The following PHC3 variants were observed in gnomAD, a reference collection of about 807,000 sequenced individuals.
PHC3 encodes the protein polyhomeotic-like protein 3.
PHC3 carries 13 observed loss-of-function variants against 107.4 expected under a neutral mutation model. That is an observed-to-expected ratio of 0.12 (90% CI 0.08 to 0.19). PHC3 has a LOEUF of 0.19. PHC3 is among the 10% of genes least tolerant of loss of function. PHC3 has a pLI of 1.00. For synonymous variants in PHC3, 456 were observed against 427.4 expected (o/e 1.07, Z -0.83); for missense variants, 992 against 1,210.9 (o/e 0.82, Z 2.68).
At chr3:170,145,273 G>A (rs1724761497) in intron 6 of PHC3, 150 bp downstream of exon 6, 2 of 537,642 alleles carry the variant, frequency 3.7e-6, no homozygotes, top group East Asian at 6.1e-5. Context: ...ACATTTTCTT[G>A]AAGTTCTCAT....
At chr3:170,114,150 C>T (rs190617907) in intron 10 of PHC3, among the ~76,000 whole-genome samples, 73 of 152,252 alleles carry the variant, frequency 4.8e-4, no homozygotes, top group African/African-American at 1.6e-3. Flanking sequence ...GCTGGGATTA[C>T]GGGCATGTGC....
intron 4 of PHC3, among the ~76,000 whole-genome samples, chr3:170,159,345 GA>G (rs1372811660): frequency 6.7e-6 from 1 of 149,264 alleles, no homozygotes; most frequent in Non-Finnish European, 1.5e-5. Context: ...TAGTTTGAAA[GA>G]ACAATGAGAA....
chr3:170,154,422 T>C (rs1317892475), intron 4 of PHC3, among the ~76,000 whole-genome samples: 2 of 152,180 alleles, frequency 1.3e-5, no homozygotes, highest in East Asian at 1.9e-4. Context: ...AATAATGCCT[T>C]AGAACTTTTT....
chr3:170,107,043 C>A, intron 11 of PHC3, 97 bp from the exon 12 acceptor site: 1 of 729,466 alleles, frequency 1.4e-6, no homozygotes, highest in Admixed American at 3.2e-5. Context: ...GCTAGCAAAC[C>A]AATGGCCCTT....
chr3:170,145,399 C>CT, intron 6 of PHC3, 24 bp downstream of exon 6: 2 of 1,588,412 alleles, frequency 1.3e-6, no homozygotes, highest in Non-Finnish European at 1.7e-6. Context: ...TCAAGTAACA[C>CT]ATTATGAAGC....
chr3:170,151,135 C>T (rs574513198), intron 4 of PHC3, among the ~76,000 whole-genome samples: 1 of 151,764 alleles, frequency 6.6e-6, no homozygotes, highest in African/African-American at 2.4e-5. Context: ...CGCTTGAACC[C>T]GGGAGGCGGA....
chr3:170,146,935 T>C (rs923754287), intron 5 of PHC3, among the ~76,000 whole-genome samples: 3 of 144,736 alleles, frequency 2.1e-5, no homozygotes, highest in Non-Finnish European at 4.5e-5. Context: ...CAGACTGGAG[T>C]GCAATGGCGC....
intron 4 of PHC3, among the ~76,000 whole-genome samples, chr3:170,159,410 A>T (rs1252801103): frequency 1.3e-5 from 2 of 152,152 alleles, no homozygotes; most frequent in East Asian, 3.8e-4. Context: ...AAAATTTTTT[A>T]AAAGTCAAAG....
intron 11 of PHC3, among the ~76,000 whole-genome samples, chr3:170,111,834 C>G (rs1226591737): frequency 6.6e-6 from 1 of 152,046 alleles, no homozygotes; most frequent in African/African-American, 2.4e-5. Context: ...GTTTGCTTAC[C>G]AGCATGCTAT....
At chr3:170,120,730 G>GAGAGAAAAGAAGAGAAGGGGATATGGC (rs1720107347) in intron 9 of PHC3, among the ~76,000 whole-genome samples, 1 of 152,160 alleles carries the variant, frequency 6.6e-6, no homozygotes, top group African/African-American at 2.4e-5. Context: ...ATAGAAGCTC[G>GAGAGAAAAGAAGAGAAGGGGATATGGC]AGAGAAAAGA....
rs1219423417 is a variant in PHC3, at chr3:170,092,982, A to G, written c.*4248T>C. On this transcript the variant is annotated 3_prime_UTR_variant, in exon 15 of 15. Coordinates refer to ENST00000495893, the MANE Select transcript of PHC3 (RefSeq NM_024947.4). The stretch of plus-strand genomic sequence containing the variant: ...TGGATGAAAGCCATATCTATCCTAA[A>G]TATCTTCTATCCTCTTGGGTCTAGA... 1 of 152,138 alleles carries G rather than the reference A, an allele frequency of 6.6e-6. No individual in the cohort carries two copies. The highest frequency in any genetic ancestry group is 6.6e-5 in the Admixed American group (1 of 15,264). The allele number at this position is 152,138 out of a possible 1,614,324, so 9.4% of individuals were successfully genotyped here. A position where few individuals can be genotyped will look rare whatever the true frequency, so the allele number is the denominator to read the frequency against.
chr3:170,118,909 C>A (rs906885976), intron 9 of PHC3, among the ~76,000 whole-genome samples: 7 of 151,708 alleles, frequency 4.6e-5, no homozygotes, highest in Non-Finnish European at 8.8e-5. Flanking sequence ...AGGTATAAGC[C>A]ACCATGCCCA....
At chr3:170,173,391 T>C (rs150480279) in intron 2 of PHC3, among the ~76,000 whole-genome samples, 1,857 of 152,288 alleles carry the variant, frequency 0.012, 40 homozygotes, top group African/African-American at 0.042. Flanking sequence ...TACTCCCATA[T>C]TGCTAGTAAA....
intron 9 of PHC3, among the ~76,000 whole-genome samples, chr3:170,117,961 C>T (rs886498659): frequency 6.6e-6 from 1 of 152,002 alleles, no homozygotes; most frequent in South Asian, 2.1e-4. Flanking sequence ...TGCAGTGAGC[C>T]AAGACTGTGC....
At position 170,091,537 on chromosome 3, in the gene PHC3, T is replaced by G. The variant is rs1714087573; in HGVS notation, c.*5693A>C. The stretch of plus-strand genomic sequence containing the variant: ...TAAGTAAAATTAAATGTCAACAAAC[T>G]ATAAAAGGGAAAAAATAAAACATCT... On this transcript the variant is annotated 3_prime_UTR_variant, in exon 15 of 15. Coordinates refer to ENST00000495893, the MANE Select transcript of PHC3 (RefSeq NM_024947.4). The G allele has an allele frequency of 2.0e-5, 3 of 152,138 alleles. No homozygotes were observed. Among genetic ancestry groups the G allele is most frequent in the African/African-American group, 7.2e-5 (3 of 41,438 alleles). The allele number at this position is 152,138 out of a possible 1,614,324, so 9.4% of individuals were successfully genotyped here. A position where few individuals can be genotyped will look rare whatever the true frequency, so the allele number is the denominator to read the frequency against.
chr3:170,129,416 C>G lies in PHC3; in HGVS notation c.1056G>C (p.Gln352His), dbSNP rs756719620. The G allele has an allele frequency of 6.2e-7, 1 of 1,613,864 alleles. No homozygotes were observed. Among genetic ancestry groups the G allele is most frequent in the Non-Finnish European group, 8.5e-7 (1 of 1,179,866 alleles). The change falls in exon 8 of 15, where the codon CAG becomes CAC. Residue 352 changes from glutamine (Q) to histidine (H), a missense_variant. Coordinates refer to ENST00000495893, the MANE Select transcript of PHC3 (RefSeq NM_024947.4). ...ATGGGGGTGGGTCTTGAGTTGAATTCTGAAGTGTGATTGGCTGAATTTGCT... is the reference window on the plus strand; with the variant it reads ...ATGGGGGTGGGTCTTGAGTTGAATTGTGAAGTGTGATTGGCTGAATTTGCT... ...QQQQIQPITL[Q>H]NSTQDPPPSQ...
intron 4 of PHC3, among the ~76,000 whole-genome samples, chr3:170,163,800 T>C (rs929462621): frequency 6.9e-5 from 10 of 145,952 alleles, no homozygotes; most frequent in African/African-American, 2.6e-4. Context: ...GAGGTGGAGG[T>C]TGCAGTGAGC....
intron 11 of PHC3, among the ~76,000 whole-genome samples, chr3:170,112,917 T>C (rs1718117380): frequency 6.6e-6 from 1 of 152,218 alleles, no homozygotes. Context: ...ATATACTTAA[T>C]ACAATTATAA....
At chr3:170,123,556 A>G (rs932632544) in intron 8 of PHC3, among the ~76,000 whole-genome samples, 7 of 152,100 alleles carry the variant, frequency 4.6e-5, no homozygotes, top group Non-Finnish European at 8.8e-5. Flanking sequence ...TGGGAGGCTG[A>G]GGTGGGTGGA....
Sources: allele counts gnomAD v4.1 joint callset (sites outside exome capture counted in the v4.1 genomes callset), GRCh38; gene constraint gnomAD v4.1.1; transcripts MANE v1.5; gene names NCBI Gene and HGNC (gene_info 2026-07-23, HGNC 2026-07-21).